GALNT18: variants seen among roughly 807,000 people sequenced by gnomAD.
GALNT18 encodes GalNAc-transferase 18.
GALNT18 carries 44 observed loss-of-function variants against 69.5 expected under a neutral mutation model. The ratio of observed to expected loss-of-function variants is 0.63; its 90% confidence interval spans 0.50 to 0.81. The LOEUF (loss-of-function observed/expected upper bound fraction) is 0.81, where lower values mean the gene tolerates loss of function less well. Among genes scored for constraint, GALNT18 ranks in the 40% least tolerant of loss-of-function variants. The pLI is 0.00. For synonymous variants in GALNT18, 364 were observed against 318.2 expected (o/e 1.14, Z -1.53); for missense variants, 715 against 810.0 (o/e 0.88, Z 1.42).
chr11:11,272,934 T>C (rs1848857284), intron 10 of GALNT18, among the ~76,000 whole-genome samples: 1 of 152,236 alleles, frequency 6.6e-6, no homozygotes, highest in Admixed American at 6.5e-5. Flanking sequence ...GACTTGGTTC[T>C]CTACACAATG....
rs115263710 is a variant in GALNT18, at chr11:11,339,157, G to A, written c.1278+1662C>T. On this transcript the variant is annotated intron_variant, in intron 7 of 10. Coordinates refer to ENST00000227756, the MANE Select transcript of GALNT18 (RefSeq NM_198516.3). The surrounding 1 kb of genome is among the most constrained non-coding windows in gnomAD (Gnocchi z 5.2). ...CAGGAGAGGAAAGAGAATTATTTTC[G>A]GAAACACACTGATCCTTTCCTTCTC... Among the ~76,000 whole-genome samples the A allele has an allele frequency of 5.4e-3, 824 of 152,130 alleles. 8 individuals are homozygous for A. Among genetic ancestry groups the A allele is most frequent in the African/African-American group, 0.019 (780 of 41,498 alleles).
Position 11,454,982 on chromosome 11 carries a change from G to A in GALNT18, c.236-6046C>T, listed in dbSNP as rs1029040438. ...CAAACAGGCTGACTCCTTCCTCATT[G>A]TTGACATTGAAATTCTCCCTGAGGG... On this transcript the variant is annotated intron_variant, in intron 1 of 10. Coordinates refer to ENST00000227756, the MANE Select transcript of GALNT18 (RefSeq NM_198516.3). This position sits in a 1 kb window ranked among gnomAD's most constrained non-coding sequence, Gnocchi z 4.2. Among the ~76,000 whole-genome samples, 1 of 152,168 alleles carries A rather than the reference G, an allele frequency of 6.6e-6. No homozygotes were observed. The highest frequency in any genetic ancestry group is 1.5e-5 in the Non-Finnish European group (1 of 68,040).
At chr11:11,295,627 C>T (rs187401998) in intron 9 of GALNT18, among the ~76,000 whole-genome samples, 1 of 152,112 alleles carries the variant, frequency 6.6e-6, no homozygotes, top group East Asian at 1.9e-4. Flanking sequence ...ACGTCAGCCT[C>T]TCAGGGTGGA....
intron 8 of GALNT18, among the ~76,000 whole-genome samples, chr11:11,328,030 C>A (rs976319976): frequency 6.6e-6 from 1 of 152,138 alleles, no homozygotes; most frequent in Non-Finnish European, 1.5e-5. Context: ...AGACTGTGAT[C>A]AGTGGGTGGT....
In GALNT18 at chr11:11,550,947, A is replaced by G. The variant is rs141529648; in HGVS notation, c.235+70412T>C. 2.0e-3 allele frequency among the ~76,000 whole-genome samples: 310 copies of G among 152,282 alleles called. 4 individuals carry two copies. The highest frequency in any genetic ancestry group is 7.4e-3 in the African/African-American group (307 of 41,554). ...ATTGTTATTGCAGTAAGCAGCATGG[A>G]GAGGAAGAGCAACACACAGTGAGGT... On this transcript the variant is annotated intron_variant, in intron 1 of 10. Coordinates refer to ENST00000227756, the MANE Select transcript of GALNT18 (RefSeq NM_198516.3).
chr11:11,456,861 G>A (rs1448347397), intron 1 of GALNT18, among the ~76,000 whole-genome samples: 1 of 152,198 alleles, frequency 6.6e-6, no homozygotes, highest in Non-Finnish European at 1.5e-5. Flanking sequence ...TCAGTGATAT[G>A]CCCACAGTGC....
rs896667777 is a variant in GALNT18, at chr11:11,469,134, T to C, written c.236-20198A>G. On this transcript the variant is annotated intron_variant, in intron 1 of 10. Transcript: ENST00000227756. The surrounding 1 kb of genome is among the most constrained non-coding windows in gnomAD (Gnocchi z 4.2). ...TGTGAATCAGCCAGCTCTGATGATA[T>C]TATTTTTTGGATCCCGGTAGCCAAG... 5.9e-5 allele frequency among the ~76,000 whole-genome samples: 9 copies of C among 152,194 alleles called. No homozygotes were observed. The highest frequency in any genetic ancestry group is 2.6e-4 in the Admixed American group (4 of 15,280).
chr11:11,348,942 C>T (rs529456954), intron 6 of GALNT18, among the ~76,000 whole-genome samples: 1 of 152,152 alleles, frequency 6.6e-6, no homozygotes, highest in Non-Finnish European at 1.5e-5. Context: ...CTTCCACCCC[C>T]CTTAAGAAGC....
intron 1 of GALNT18, among the ~76,000 whole-genome samples, chr11:11,450,005 C>T (rs1855756487): frequency 6.6e-6 from 1 of 152,210 alleles, no homozygotes; most frequent in South Asian, 2.1e-4. Flanking sequence ...TAGTCCAGGA[C>T]TTTGGAATTA....
At position 11,590,502 on chromosome 11, in the gene GALNT18, T is replaced by C. The variant is rs1030585963; in HGVS notation, c.235+30857A>G. Among the ~76,000 whole-genome samples, 4 of 152,192 alleles carry C rather than the reference T, an allele frequency of 2.6e-5. No individual in the cohort carries two copies. In the East Asian group the frequency reaches 7.7e-4, roughly 29 times the overall value. On this transcript the variant is annotated intron_variant, in intron 1 of 10. Coordinates refer to ENST00000227756, the MANE Select transcript of GALNT18 (RefSeq NM_198516.3). This position sits in a 1 kb window ranked among gnomAD's most constrained non-coding sequence, Gnocchi z 4.4. The stretch of plus-strand genomic sequence containing the variant: ...TCTACCTATATTAGGCACCAACCAA[T>C]CAGAAGGACACTGGCTGTTCTGCTG...
intron 1 of GALNT18, among the ~76,000 whole-genome samples, chr11:11,552,877 C>T (rs1051198919): frequency 1.1e-4 from 17 of 152,142 alleles, no homozygotes; most frequent in Non-Finnish European, 2.5e-4. Flanking sequence ...CAGGTCTCTG[C>T]TCCACACCCA....
Position 11,562,797 on chromosome 11 carries a change from C to T in GALNT18, c.235+58562G>A, listed in dbSNP as rs1858545750. ...CCATTTTAATGATGCTAACTCAAGG[C>T]TGAGAGAGGCTATTTAACCCAGGTC... On this transcript the variant is annotated intron_variant, in intron 1 of 10. Transcript: ENST00000227756. This position sits in a 1 kb window ranked among gnomAD's most constrained non-coding sequence, Gnocchi z 4.1. Among the ~76,000 whole-genome samples, 1 of 152,158 alleles carries T rather than the reference C, an allele frequency of 6.6e-6. No individual in the cohort carries two copies. Among genetic ancestry groups the T allele is most frequent in the South Asian group, 2.1e-4 (1 of 4,818 alleles).
intron 3 of GALNT18, among the ~76,000 whole-genome samples, chr11:11,388,552 T>C (rs1854106230): frequency 6.6e-6 from 1 of 152,236 alleles, no homozygotes; most frequent in South Asian, 2.1e-4. Context: ...GCCTGTGGTA[T>C]AGATGCTTCC....
rs1443128702 is a variant in GALNT18 at position 11,592,341 on chromosome 11, C to A, written c.235+29018G>T. The stretch of plus-strand genomic sequence containing the variant: ...TGTTTCCCACACATTGTCCAGCAGA[C>A]AAAAACATATTGACATGCTGTTCCT... On this transcript the variant is annotated intron_variant, in intron 1 of 10. Coordinates refer to ENST00000227756, the MANE Select transcript of GALNT18 (RefSeq NM_198516.3). The surrounding 1 kb of genome is among the most constrained non-coding windows in gnomAD (Gnocchi z 5.9). Among the ~76,000 whole-genome samples, 1 of 152,204 alleles carries A rather than the reference C, an allele frequency of 6.6e-6. No individual in the cohort carries two copies. The highest frequency in any genetic ancestry group is 6.5e-5 in the Admixed American group (1 of 15,280).
chr11:11,378,293 A>G (rs1204358111), intron 4 of GALNT18, among the ~76,000 whole-genome samples: 2 of 152,126 alleles, frequency 1.3e-5, no homozygotes, highest in African/African-American at 4.8e-5. Flanking sequence ...GAGTCTGGGG[A>G]GGAGAGCAGA....
intron 1 of GALNT18, among the ~76,000 whole-genome samples, chr11:11,510,123 C>T (rs150154086): frequency 1.2e-4 from 18 of 152,324 alleles, no homozygotes; most frequent in African/African-American, 4.1e-4. Context: ...GACTCAGCTG[C>T]AGCCCAAAAG....
At position 11,563,743 on chromosome 11, in the gene GALNT18, G is replaced by T. The variant is rs1458253721; in HGVS notation, c.235+57616C>A. ...CTCTCCTCCCAGCCCTGCCTCCCTA[G>T]CACCACACTTTTGTGGAAACTATTC... On this transcript the variant is annotated intron_variant, in intron 1 of 10. Coordinates refer to ENST00000227756, the MANE Select transcript of GALNT18 (RefSeq NM_198516.3). The surrounding 1 kb of genome is among the most constrained non-coding windows in gnomAD (Gnocchi z 4.6). Among the ~76,000 whole-genome samples the T allele has an allele frequency of 1.3e-5, 2 of 152,122 alleles. No homozygotes were observed. The highest frequency in any genetic ancestry group is 2.9e-5 in the Non-Finnish European group (2 of 68,026).
At chr11:11,379,386 C>T in intron 3 of GALNT18, 122 bp from the exon 4 acceptor site, 2 of 924,562 alleles carry the variant, frequency 2.2e-6, no homozygotes, top group Non-Finnish European at 3.2e-6. Context: ...ATTCCCCTCC[C>T]TGGGTCTTCT....
chr11:11,503,085 G>A (rs1025410103), intron 1 of GALNT18, among the ~76,000 whole-genome samples: 6 of 152,130 alleles, frequency 3.9e-5, no homozygotes, highest in African/African-American at 1.4e-4. Context: ...CCCTTAGGAC[G>A]GAGAAAAATA....
Sources: gnomAD v4.1 joint callset for allele counts (sites outside exome capture counted in the v4.1 genomes callset) on GRCh38, gnomAD v4.1.1 for gene constraint, Gnocchi (gnomAD v3.1) non-coding constraint, MANE v1.5 for transcripts, NCBI Gene and HGNC (gene_info 2026-07-23, HGNC 2026-07-21) for gene names.